The following MAGI2 variants were observed in gnomAD, a reference collection of about 807,000 sequenced individuals.
The protein encoded by MAGI2 is membrane associated guanylate kinase, WW and PDZ domain containing 2, also known as membrane-associated guanylate kinase, WW and PDZ domain-containing protein 2.
MAGI2 carries 35 observed loss-of-function variants against 133.3 expected under a neutral mutation model. The ratio of observed to expected loss-of-function variants is 0.26; its 90% CI spans 0.20 to 0.35. The LOEUF is 0.35. MAGI2 is among the 10% of genes least tolerant of loss of function. The pLI is 1.00. For missense variants in MAGI2, 1,636 were observed against 1,863.4 expected (o/e 0.88, Z 2.25); for synonymous variants, 729 against 710.6 (o/e 1.03, Z -0.41).
intron 2 of MAGI2, among the ~76,000 whole-genome samples, chr7:78,927,043 G>A (rs1465019279): frequency 2.0e-5 from 3 of 151,954 alleles, no homozygotes; most frequent in African/African-American, 7.2e-5. Context: ...AAGGTTGTAT[G>A]GCCATGGACA....
chr7:78,214,233 T>C (rs760512116), intron 10 of MAGI2, among the ~76,000 whole-genome samples: 2 of 152,242 alleles, frequency 1.3e-5, no homozygotes, highest in Non-Finnish European at 2.9e-5. Flanking sequence ...ATTTCTCCTT[T>C]TTAAATATTA....
intron 21 of MAGI2, among the ~76,000 whole-genome samples, chr7:78,026,907 G>T (rs1232415947): frequency 6.6e-6 from 1 of 152,162 alleles, no homozygotes; most frequent in Non-Finnish European, 1.5e-5. Context: ...AATGGCAATA[G>T]CTAACACTGA....
intron 2 of MAGI2, among the ~76,000 whole-genome samples, chr7:78,969,893 C>T (rs972612766): frequency 6.6e-6 from 1 of 151,978 alleles, no homozygotes; most frequent in South Asian, 2.1e-4. Flanking sequence ...TCAAAGCAAA[C>T]ATTTTTTTGT....
intron 3 of MAGI2, among the ~76,000 whole-genome samples, chr7:78,564,952 C>A (rs993137782): frequency 1.5e-4 from 22 of 151,650 alleles, no homozygotes; most frequent in African/African-American, 5.3e-4. Context: ...CGCCACCACG[C>A]CCAGCTAATT....
chr7:78,564,166 C>T (rs1584651637), intron 3 of MAGI2, among the ~76,000 whole-genome samples: 1 of 152,106 alleles, frequency 6.6e-6, no homozygotes, highest in Admixed American at 6.6e-5. Flanking sequence ...GTGGAAGAAT[C>T]CCGCACAACT....
chr7:79,311,118 T>C (rs1243360042), intron 1 of MAGI2, among the ~76,000 whole-genome samples: 1 of 152,072 alleles, frequency 6.6e-6, no homozygotes, highest in East Asian at 1.9e-4. Context: ...TTTTCCCTTT[T>C]CCATCAAAAC....
intron 3 of MAGI2, among the ~76,000 whole-genome samples, chr7:78,539,478 G>GT (rs558119871): frequency 0.073 from 10,465 of 142,584 alleles, 457 homozygotes; most frequent in Non-Finnish European, 0.11. Flanking sequence ...TAGTTTTTTT[G>GT]TTTTTTTGTT....
At position 79,417,759 on chromosome 7, in the gene MAGI2, A is replaced by T. The variant is rs542736601; in HGVS notation, c.301+35261T>A. On this transcript the variant is annotated intron_variant, in intron 1 of 21. Transcript: ENST00000354212. ...TATGTCCACATATGCACAAAAAAAA[A>T]AAATAACTTACAGACTGGAGGTTAG... Among the ~76,000 whole-genome samples, 5 of 152,158 alleles carry T rather than the reference A, an allele frequency of 3.3e-5. No individual in the cohort carries two copies. In the South Asian group the frequency reaches 1.0e-3, roughly 32 times the overall value.
At chr7:78,286,321 G>A (rs1796138566) in intron 9 of MAGI2, among the ~76,000 whole-genome samples, 1 of 152,088 alleles carries the variant, frequency 6.6e-6, no homozygotes, top group Non-Finnish European at 1.5e-5. Flanking sequence ...TTGTCTGTAA[G>A]AAGCTCATCA....
At chr7:78,897,823 A>G (rs1458255586) in intron 2 of MAGI2, among the ~76,000 whole-genome samples, 1 of 152,136 alleles carries the variant, frequency 6.6e-6, no homozygotes, top group Non-Finnish European at 1.5e-5. Flanking sequence ...TTAAGCCACA[A>G]GCAATCACAA....
intron 2 of MAGI2, among the ~76,000 whole-genome samples, chr7:78,689,966 G>A (rs751662432): frequency 2.1e-4 from 32 of 151,780 alleles, no homozygotes; most frequent in Non-Finnish European, 4.1e-4. Flanking sequence ...TTTAATAATT[G>A]AAAAGCCATG....
intron 2 of MAGI2, among the ~76,000 whole-genome samples, chr7:79,002,359 G>T (rs1212056488): frequency 6.6e-6 from 1 of 151,700 alleles, no homozygotes; most frequent in African/African-American, 2.4e-5. Context: ...TCCCAGGCTG[G>T]TCTCAAACTT....
At chr7:78,450,455 C>G (rs1466534473) in intron 6 of MAGI2, among the ~76,000 whole-genome samples, 2 of 152,056 alleles carry the variant, frequency 1.3e-5, no homozygotes, top group Admixed American at 6.6e-5. Context: ...ATAAGTGTTC[C>G]ATAATTTTGC....
chr7:79,171,739 C>CAAAAAA (rs1331571986), intron 1 of MAGI2, among the ~76,000 whole-genome samples: 9 of 34,170 alleles, frequency 2.6e-4, no homozygotes, highest in African/African-American at 4.3e-4. Flanking sequence ...AGACAATAGC[C>CAAAAAA]AAAAATATAT....
chr7:78,470,430 G>C (rs1373723146), intron 6 of MAGI2, among the ~76,000 whole-genome samples: 2 of 152,050 alleles, frequency 1.3e-5, no homozygotes, highest in South Asian at 2.1e-4. Flanking sequence ...ACAATGCATT[G>C]TTTCTCCTTT....
At chr7:79,227,094 AG>A (rs1018856024) in intron 1 of MAGI2, among the ~76,000 whole-genome samples, 47 of 152,300 alleles carry the variant, frequency 3.1e-4, no homozygotes, top group African/African-American at 1.1e-3. Flanking sequence ...ATCCAATTTC[AG>A]GGTTCAAATG....
chr7:78,297,365 T>C (rs1416485386), intron 9 of MAGI2, among the ~76,000 whole-genome samples: 5 of 151,956 alleles, frequency 3.3e-5, no homozygotes, highest in African/African-American at 1.2e-4. Context: ...ATAGGAACAC[T>C]TTTACACTGT....
chr7:78,084,540 A>T (rs1175434798), intron 20 of MAGI2, among the ~76,000 whole-genome samples: 1 of 152,252 alleles, frequency 6.6e-6, no homozygotes, highest in African/African-American at 2.4e-5. Flanking sequence ...ATACTGCCTT[A>T]CGCAGTTCCA....
intron 6 of MAGI2, among the ~76,000 whole-genome samples, chr7:78,428,302 CATT>C (rs1276671397): frequency 2.6e-5 from 4 of 152,010 alleles, no homozygotes; most frequent in Non-Finnish European, 5.9e-5. Context: ...AATACAAAGT[CATT>C]ATTTGAAAAC....
Sources: gnomAD v4.1 joint callset for allele counts (sites outside exome capture counted in the v4.1 genomes callset) on GRCh38, gnomAD v4.1.1 for gene constraint, MANE v1.5 for transcripts, NCBI Gene and HGNC (gene_info 2026-07-23, HGNC 2026-07-21) for gene names.